SPEF2: variants seen among roughly 807,000 people sequenced by gnomAD.
SPEF2 encodes sperm flagella and cilia-associated protein 2.
A neutral mutation model predicts 224.6 loss-of-function variants in SPEF2; 187 were observed. The observed-to-expected ratio is 0.83, with a 90% CI of 0.74 to 0.94. The LOEUF is 0.94. Among genes scored for constraint, SPEF2 ranks in the 40% least tolerant of loss-of-function variants. The probability of loss-of-function intolerance (pLI) is 0.00; values close to 1 mark genes in which losing one functional copy is unlikely to be tolerated. For missense variants in SPEF2, 2,170 were observed against 2,135.6 expected (o/e 1.02, Z -0.32); for synonymous variants, 715 against 707.3 (o/e 1.01, Z -0.17).
Position 35,814,533 on chromosome 5 carries a change from C to T in SPEF2, c.5449C>T (p.His1817Tyr), listed in dbSNP as rs772190293. 6.2e-7 allele frequency: 1 copy of T among 1,604,850 alleles called. No homozygotes were observed. Among genetic ancestry groups the T allele is most frequent in the Non-Finnish European group, 8.5e-7 (1 of 1,174,914 alleles). ...TGATGGAGAGAGATCACCTTCAAGA[C>T]ATACAGAGGAAAAGAAATGAAGACA... The part of the protein sequence containing the change: ...GSDGERSPSR[H>Y]TEEKK Residue 1817 changes from histidine (H) to tyrosine (Y), a missense_variant, in exon 37 of 37, where the codon CAT (histidine) becomes TAT (tyrosine). Physicochemically the swap from His to Tyr is moderately conservative, Grantham distance 83. Coordinates refer to ENST00000356031, the MANE Select transcript of SPEF2 (RefSeq NM_024867.4).
At chr5:35,670,536 A>G in intron 10 of SPEF2, 2 of 1,020,416 alleles carry the variant, frequency 2.0e-6, no homozygotes, top group Non-Finnish European at 2.3e-6. Context: ...TTTTCTTTGT[A>G]TGGGCTGTGT....
chr5:35,713,451 T>C (rs891649872), intron 20 of SPEF2, among the ~76,000 whole-genome samples: 6 of 151,972 alleles, frequency 3.9e-5, no homozygotes, highest in African/African-American at 1.2e-4. Context: ...AAATATGAAC[T>C]GGAGCTGGGC....
intron 8 of SPEF2, among the ~76,000 whole-genome samples, chr5:35,662,382 G>A (rs1218903050): frequency 6.6e-6 from 1 of 152,080 alleles, no homozygotes; most frequent in Non-Finnish European, 1.5e-5. Flanking sequence ...TAGGTTGTTG[G>A]TATACTCTGT....
rs1239800858 is a variant in SPEF2, at chr5:35,694,311, T to C, written c.1923T>C (p.Ala641=). The C allele has an allele frequency of 1.4e-5, 23 of 1,613,530 alleles. No individual in the cohort carries two copies. The highest frequency in any genetic ancestry group is 1.6e-5 in the Non-Finnish European group (19 of 1,179,760). The part of the protein sequence containing the change: ...ESQDPQHVFS[A]GPVSDEVLPE... ...AGGATCCACAACATGTATTTTCAGC[T>C]GGTCCAGTTTCAGATGAAGTATTAC... The change falls in exon 13 of 37, where the codon GCT becomes GCC. Residue 641 remains alanine (A), a synonymous_variant. Coordinates refer to ENST00000356031, the MANE Select transcript of SPEF2 (RefSeq NM_024867.4).
At chr5:35,755,879 G>A (rs942451274) in intron 24 of SPEF2, among the ~76,000 whole-genome samples, 1 of 152,080 alleles carries the variant, frequency 6.6e-6, no homozygotes, top group African/African-American at 2.4e-5. Flanking sequence ...CAAAGTGCTG[G>A]GATTACAGGA....
At chr5:35,673,853 G>T (rs1049373893) in intron 10 of SPEF2, among the ~76,000 whole-genome samples, 1 of 152,028 alleles carries the variant, frequency 6.6e-6, no homozygotes, top group African/African-American at 2.4e-5. Flanking sequence ...ACATGTGTAC[G>T]CCTGTCACTA....
intron 6 of SPEF2, among the ~76,000 whole-genome samples, chr5:35,654,116 C>G (rs1413538553): frequency 1.3e-5 from 2 of 151,652 alleles, no homozygotes; most frequent in Admixed American, 6.6e-5. Context: ...CAAAATTAGC[C>G]TGGCGTGGTG....
chr5:35,663,746 G>A (rs1196204090), intron 8 of SPEF2, among the ~76,000 whole-genome samples: 1 of 152,028 alleles, frequency 6.6e-6, no homozygotes, highest in Non-Finnish European at 1.5e-5. Flanking sequence ...TCAACCCTAA[G>A]TTTTACTCTT....
At chr5:35,697,887 T>G in intron 15 of SPEF2, 94 bp downstream of exon 15, 3 of 842,766 alleles carry the variant, frequency 3.6e-6, no homozygotes, top group Non-Finnish European at 3.6e-6. Context: ...TGTTGTAATA[T>G]CTCATACATT....
chr5:35,695,776 T>A lies in SPEF2; in HGVS notation c.2017T>A (p.Ser673Thr), dbSNP rs1439505093. 1.2e-6 allele frequency: 2 copies of A among 1,609,690 alleles called. No individual in the cohort carries two copies. Among genetic ancestry groups the A allele is most frequent in the Admixed American group, 1.7e-5 (1 of 59,522 alleles). ...DKTPKAEEVKSSDSFLKLTTR... is the reference protein window; with the variant it reads ...DKTPKAEEVKTSDSFLKLTTR... ...AACACCAAAAGCTGAAGAAGTCAAATCAAGTGATAGTTTCTTAAAAGTAAG... is the reference window on the plus strand; with the variant it reads ...AACACCAAAAGCTGAAGAAGTCAAAACAAGTGATAGTTTCTTAAAAGTAAG... Residue 673 changes from serine to threonine, a missense_variant, in exon 14 of 37, where the codon TCA becomes ACA. Coordinates refer to ENST00000356031, the MANE Select transcript of SPEF2 (RefSeq NM_024867.4).
chr5:35,632,828 G>T (rs935659107), intron 2 of SPEF2: 10 of 151,824 alleles, frequency 6.6e-5, no homozygotes, highest in African/African-American at 2.2e-4. Context: ...TATTATTTAG[G>T]AGTATGTTAT....
intron 26 of SPEF2, chr5:35,764,511 G>C (rs568807418): frequency 1.5e-5 from 7 of 453,678 alleles, no homozygotes; most frequent in Non-Finnish European, 3.1e-5. Context: ...ATTTAACTCA[G>C]GTGATCAATT....
intron 10 of SPEF2, chr5:35,670,473 C>A (rs1297921174): frequency 3.5e-6 from 4 of 1,129,552 alleles, no homozygotes; most frequent in African/African-American, 1.6e-5. Context: ...TAGTAATTGT[C>A]TGGGTAGACA....
At chr5:35,695,214 T>G (rs1755120929) in intron 13 of SPEF2, among the ~76,000 whole-genome samples, 2 of 151,994 alleles carry the variant, frequency 1.3e-5, no homozygotes, top group African/African-American at 4.8e-5. Context: ...TTATTACATA[T>G]TCTATTATAC....
At chr5:35,693,777 A>C (rs1754880756) in intron 12 of SPEF2, among the ~76,000 whole-genome samples, 1 of 152,248 alleles carries the variant, frequency 6.6e-6, no homozygotes, top group African/African-American at 2.4e-5. Flanking sequence ...ATAGCCTGCA[A>C]AAATAAATAT....
At chr5:35,640,079 G>T (rs1481423270) in intron 2 of SPEF2, among the ~76,000 whole-genome samples, 1 of 152,094 alleles carries the variant, frequency 6.6e-6, no homozygotes, top group Admixed American at 6.6e-5. Context: ...GGTAACTGAA[G>T]TATAACATTA....
chr5:35,747,292 T>A (rs1580559704), intron 23 of SPEF2, among the ~76,000 whole-genome samples: 1 of 151,868 alleles, frequency 6.6e-6, no homozygotes, highest in East Asian at 1.9e-4. Flanking sequence ...AAACCAAAAG[T>A]ACACAGGCAA....
Position 35,763,622 on chromosome 5 carries a change from A to G in SPEF2, c.3721A>G (p.Asn1241Asp). ...GGGCAAGATGGATAACTCCCTAGAA[A>G]ACGTTGAGTCCAACTTTGAGGCCGA... The part of the protein sequence containing the change: ...LKGKMDNSLE[N>D]VESNFEADEK... The change falls in exon 26 of 37, where the codon AAC becomes GAC. Residue 1241 changes from asparagine (N) to aspartate (D), a missense_variant. Coordinates refer to ENST00000356031, the MANE Select transcript of SPEF2 (RefSeq NM_024867.4). The G allele has an allele frequency of 6.2e-7, 1 of 1,614,004 alleles. No homozygotes were observed.
chr5:35,759,517 C>G (rs768124803), intron 24 of SPEF2, 51 bp from the exon 25 acceptor site: 4 of 1,447,314 alleles, frequency 2.8e-6, no homozygotes, highest in Non-Finnish European at 3.7e-6. Flanking sequence ...GAAATATGTA[C>G]AGATCAGCTT....
Sources: allele counts gnomAD v4.1 joint callset (sites outside exome capture counted in the v4.1 genomes callset), GRCh38; gene constraint gnomAD v4.1.1; transcripts MANE v1.5; gene names NCBI Gene and HGNC (gene_info 2026-07-23, HGNC 2026-07-21).